Variants in RRM2B observed in about 807,000 individuals in gnomAD.
RRM2B encodes ribonucleoside-diphosphate reductase subunit M2 B.
In RRM2B, 20 loss-of-function variants were observed where a neutral mutation model predicts 45.9. That is an observed-to-expected ratio of 0.44 (90% confidence interval 0.31 to 0.63). The LOEUF is 0.63. Ranked by LOEUF, RRM2B falls within the 30% of genes least tolerant of loss-of-function variation. The pLI is 0.09. For missense variants in RRM2B, 320 were observed against 414.7 expected (o/e 0.77, Z 1.98); for synonymous variants, 124 against 132.3 (o/e 0.94, Z 0.43).
chr8:102,214,499 AAAT>A (rs1353635194), intron 6 of RRM2B: 3 of 272,444 alleles, frequency 1.1e-5, no homozygotes, highest in Non-Finnish European at 2.2e-5. Flanking sequence ...TAAATTTCAA[AAAT>A]AATTAAGGAA....
rs752648938 is a variant in RRM2B at position 102,218,858 on chromosome 8, T to A, written c.640A>T (p.Met214Leu). 2 of 1,613,892 alleles carry A rather than the reference T, an allele frequency of 1.2e-6. No homozygotes were observed. Among genetic ancestry groups the A allele is most frequent in the East Asian group, 2.2e-5 (1 of 44,874 alleles). Reference protein sequence around the residue: ...AIFWLKKRGLMPGLTFSNELI... With the variant: ...AIFWLKKRGLLPGLTFSNELI... ...TCATTGGAAAAAGTGAGTCCTGGCA[T>A]AAGACCTCTCTTCTTTAGCCAGAAT... Residue 214 changes from methionine (M) to leucine (L), a missense_variant, in exon 6 of 9, where the codon ATG (methionine) becomes TTG (leucine). By Grantham distance (15) the Met-to-Leu change is conservative (BLOSUM62 2). Coordinates refer to ENST00000251810, the MANE Select transcript of RRM2B (RefSeq NM_015713.5).
chr8:102,231,243 G>A (rs1321129499), intron 2 of RRM2B, among the ~76,000 whole-genome samples: 1 of 152,130 alleles, frequency 6.6e-6, no homozygotes, highest in Non-Finnish European at 1.5e-5. Context: ...GTGTTCAACT[G>A]ATCTCCCAGG....
At chr8:102,235,633 G>A (rs1178738136) in intron 1 of RRM2B, among the ~76,000 whole-genome samples, 2 of 152,198 alleles carry the variant, frequency 1.3e-5, no homozygotes, top group African/African-American at 2.4e-5. Context: ...AAGGTCAAGA[G>A]ATTGAGACCA....
chr8:102,231,146 A>G (rs1398811827), intron 2 of RRM2B, among the ~76,000 whole-genome samples: 1 of 152,254 alleles, frequency 6.6e-6, no homozygotes, highest in Non-Finnish European at 1.5e-5. Context: ...AAAGATCAAG[A>G]CAATAACTAT....
At chr8:102,210,849 C>T (rs1810623290) in intron 8 of RRM2B, among the ~76,000 whole-genome samples, 1 of 151,812 alleles carries the variant, frequency 6.6e-6, no homozygotes, top group Non-Finnish European at 1.5e-5. Context: ...ATCCTCCTGC[C>T]TTGGCCTCCG....
intron 1 of RRM2B, among the ~76,000 whole-genome samples, chr8:102,236,844 A>T (rs1242947328): frequency 1.3e-5 from 2 of 152,324 alleles, no homozygotes; most frequent in African/African-American, 4.8e-5. Flanking sequence ...GTTGGAAGAC[A>T]TGCCTGGGCA....
intron 5 of RRM2B, among the ~76,000 whole-genome samples, chr8:102,219,571 ATT>A (rs1333667108): frequency 1.3e-5 from 2 of 152,234 alleles, no homozygotes; most frequent in Non-Finnish European, 2.9e-5. Flanking sequence ...AAGGTTACTC[ATT>A]GTTAGGCAAG....
chr8:102,216,338 C>A (rs994118119), intron 6 of RRM2B, among the ~76,000 whole-genome samples: 13 of 151,376 alleles, frequency 8.6e-5, no homozygotes, highest in Non-Finnish European at 1.9e-4. Flanking sequence ...GGTTAAAAAA[C>A]CAAGAAAAAA....
intron 5 of RRM2B, among the ~76,000 whole-genome samples, chr8:102,220,946 C>T (rs991197505): frequency 1.3e-5 from 2 of 152,138 alleles, no homozygotes; most frequent in Non-Finnish European, 2.9e-5. Flanking sequence ...CCTCATGATT[C>T]ATTTTAGAGA....
At chr8:102,229,639 C>T (rs963096423) in intron 2 of RRM2B, among the ~76,000 whole-genome samples, 6 of 152,174 alleles carry the variant, frequency 3.9e-5, no homozygotes, top group African/African-American at 1.4e-4. Flanking sequence ...GGCTGGAATA[C>T]AGTGGCATGA....
At chr8:102,211,032 G>T (rs995322147) in intron 8 of RRM2B, among the ~76,000 whole-genome samples, 2 of 151,906 alleles carry the variant, frequency 1.3e-5, no homozygotes, top group African/African-American at 4.8e-5. Context: ...GAGCGAGAGA[G>T]AAAGGGTCTC....
rs148909417 is a variant in RRM2B, at chr8:102,213,093, C to T, written c.790-204G>A. 2.6e-5 allele frequency among the ~76,000 whole-genome samples: 4 copies of T among 152,000 alleles called. No homozygotes were observed. The East Asian group carries it at 7.7e-4, about 29-fold the overall frequency. Reference sequence around the variant, plus strand: ...AACTATTCACATTTTTTCATGTTTTCGAAGAGCCAAAATAAATGGAAACGA... The same window carrying T: ...AACTATTCACATTTTTTCATGTTTTTGAAGAGCCAAAATAAATGGAAACGA... On this transcript the variant is annotated intron_variant, in intron 7 of 8. Transcript: ENST00000251810.
chr8:102,206,492 T>G lies in RRM2B; in HGVS notation c.*1641A>C, dbSNP rs1455991942. ...AAATAAAGTTATGGCCTGCTCCTTT[T>G]GCATTCACTTGAGAACTCCCAGTTT... On this transcript the variant is annotated 3_prime_UTR_variant, in exon 9 of 9. Coordinates refer to ENST00000251810, the MANE Select transcript of RRM2B (RefSeq NM_015713.5). 6.6e-6 allele frequency: 1 copy of G among 152,198 alleles called. No individual in the cohort carries two copies. The highest frequency in any genetic ancestry group is 1.5e-5 in the Non-Finnish European group (1 of 68,022). 9.4% of individuals were successfully genotyped at this position (152,198 alleles called of 1,614,324 possible).
chr8:102,234,766 C>A, intron 1 of RRM2B: 1 of 153,816 alleles, frequency 6.5e-6, no homozygotes, highest in South Asian at 2.0e-4. Context: ...AGGAGAATCA[C>A]TTGAACCCAG....
intron 1 of RRM2B, among the ~76,000 whole-genome samples, chr8:102,234,094 T>C (rs950137143): frequency 6.6e-6 from 1 of 152,184 alleles, no homozygotes; most frequent in Non-Finnish European, 1.5e-5. Context: ...ATACTCAAAG[T>C]ATGAAAGTTG....
At chr8:102,224,180 G>A (rs772472255) in intron 4 of RRM2B, 40 bp from the exon 5 acceptor site, 33 of 1,273,022 alleles carry the variant, frequency 2.6e-5, no homozygotes, top group Non-Finnish European at 3.5e-5. Flanking sequence ...TTATTCACTT[G>A]TTTTTCTTTT....
chr8:102,227,964 A>G (rs1224617618), intron 2 of RRM2B, among the ~76,000 whole-genome samples: 1 of 152,198 alleles, frequency 6.6e-6, no homozygotes, highest in Non-Finnish European at 1.5e-5. Flanking sequence ...TGATAGGGAC[A>G]GGAGGCAGGG....
chr8:102,215,045 T>TAAAAA (rs3063793), intron 6 of RRM2B, among the ~76,000 whole-genome samples: 38 of 61,760 alleles, frequency 6.2e-4, no homozygotes, highest in East Asian at 9.5e-4. Context: ...AGCTAAATAT[T>TAAAAA]AAAAAAAAAA....
chr8:102,219,478 A>C lies in RRM2B; in HGVS notation c.551-531T>G, dbSNP rs535832274. On this transcript the variant is annotated intron_variant, in intron 5 of 8. Transcript: ENST00000251810. ...AAAATAGATAAACCCAACTGAGGAT[A>C]ATAAATATATCTATTAGATAAAATG... is the stretch of plus-strand genomic sequence containing the variant. Among the ~76,000 whole-genome samples the C allele has an allele frequency of 2.1e-3, 322 of 152,360 alleles. 1 individual carries two copies. The highest frequency in any genetic ancestry group is 7.3e-3 in the African/African-American group (303 of 41,582).
Sources: gnomAD v4.1 joint callset for allele counts (sites outside exome capture counted in the v4.1 genomes callset) on GRCh38, gnomAD v4.1.1 for gene constraint, MANE v1.5 for transcripts, NCBI Gene and HGNC (gene_info 2026-07-23, HGNC 2026-07-21) for gene names.